TNRC18: variants seen among roughly 807,000 people sequenced by gnomAD.
The protein encoded by TNRC18 is trinucleotide repeat containing 18.
A neutral mutation model predicts 226.7 loss-of-function variants in TNRC18; 69 were observed. The ratio of observed to expected loss-of-function variants is 0.30; its 90% CI spans 0.25 to 0.37. TNRC18 has a LOEUF of 0.37. Among genes scored for constraint, TNRC18 ranks in the 10% least tolerant of loss-of-function variants. The pLI is 1.00. For missense variants in TNRC18, 4,754 were observed against 4,256.6 expected, an observed-to-expected ratio of 1.12 and a Z score of -3.25; for synonymous variants, 2,449 against 1,927.6, an observed-to-expected ratio of 1.27 and a Z score of -7.09.
chr7:5,405,339 C>T (rs766944842), intron 2 of TNRC18, among the ~76,000 whole-genome samples: 4 of 152,098 alleles, frequency 2.6e-5, no homozygotes, highest in African/African-American at 4.8e-5. Context: ...GAGGCTGAGG[C>T]GAGTGGATCA....
chr7:5,343,601 A>T (rs1309698165), intron 18 of TNRC18, among the ~76,000 whole-genome samples: 1 of 151,978 alleles, frequency 6.6e-6, no homozygotes, highest in African/African-American at 2.4e-5. Context: ...TTTTCTGTTT[A>T]TTTTTTGTAG....
chr7:5,374,202 T>TGGGGG lies in TNRC18; in HGVS notation c.3077_3081dup (p.Ser1028ProfsTer133). 1 of 328,514 alleles carries TGGGGG rather than the reference T, an allele frequency of 3.0e-6. No homozygotes were observed. The highest frequency in any genetic ancestry group is 3.5e-6 in the Non-Finnish European group (1 of 283,966). The allele number at this position is 328,514 out of a possible 1,614,324, so 20.3% of individuals were successfully genotyped here. A position where few individuals can be genotyped will look rare whatever the true frequency, so the allele number is the denominator to read the frequency against. ...GGCGGCGGGCTGGTGGGGTGGGAGC[T>TGGGGG]GGGGGTGGCGGGGTAGGCGTAGGCG... On this transcript the variant is annotated frameshift_variant, in exon 10 of 30. Coordinates refer to ENST00000430969, the MANE Select transcript of TNRC18 (RefSeq NM_001080495.3). LOFTEE classifies it high-confidence loss of function.
chr7:5,308,579 G>A lies in TNRC18; in HGVS notation c.8701-267C>T, dbSNP rs184422738. 3.1e-3 allele frequency among the ~76,000 whole-genome samples: 465 copies of A among 152,294 alleles called. 3 individuals are homozygous for A. The highest frequency in any genetic ancestry group is 0.01 in the African/African-American group (418 of 41,566). ...AGACCGAGATCGAGAGAGACCCAGAGAGACACAGAGACTGAAAGATAGAGG... is the reference window on the plus strand; with the variant it reads ...AGACCGAGATCGAGAGAGACCCAGAAAGACACAGAGACTGAAAGATAGAGG... On this transcript the variant is annotated intron_variant, in intron 29 of 29. Coordinates refer to ENST00000430969, the MANE Select transcript of TNRC18 (RefSeq NM_001080495.3).
At chr7:5,398,064 G>T (rs1055914561) in intron 2 of TNRC18, among the ~76,000 whole-genome samples, 2 of 151,744 alleles carry the variant, frequency 1.3e-5, no homozygotes, top group African/African-American at 4.8e-5. Flanking sequence ...GCAGTGGCTC[G>T]ATCATAGCTC....
chr7:5,320,227 C>T, intron 24 of TNRC18, 91 bp downstream of exon 24: 1 of 1,011,638 alleles, frequency 9.9e-7, no homozygotes, highest in Non-Finnish European at 1.5e-6. Flanking sequence ...AGTCTTTATT[C>T]TTAAGCCAGT....
In TNRC18 at chr7:5,374,199, AGC is replaced by A; in HGVS notation, c.3083_3084del (p.Ser1028IlefsTer85). The A allele has an allele frequency of 1.1e-6, 1 of 900,318 alleles. No homozygotes were observed. 55.8% of individuals were successfully genotyped at this position (900,318 alleles called of 1,614,324 possible). A position where few individuals can be genotyped will look rare whatever the true frequency, so the allele number is the denominator to read the frequency against. On this transcript the variant is annotated frameshift_variant, in exon 10 of 30. Transcript: ENST00000430969. LOFTEE classifies it high-confidence loss of function. The stretch of plus-strand genomic sequence containing the variant: ...GCGGGCGGCGGGCTGGTGGGGTGGG[AGC>A]TGGGGGTGGCGGGGTAGGCGTAGGC... ...PPAYAYPATP[S>X]SHPTSPPPAS... is the part of the protein sequence containing the mutation.
intron 18 of TNRC18, among the ~76,000 whole-genome samples, chr7:5,335,910 G>A (rs894323789): frequency 8.1e-5 from 12 of 148,894 alleles, no homozygotes; most frequent in South Asian, 2.2e-4. Flanking sequence ...GATACAGTCC[G>A]CAATTACTAG....
chr7:5,394,631 A>C lies in TNRC18; in HGVS notation c.188-36T>G. ...AAGTTGGGAGGACCGTCAGGCAGAC[A>C]ACCAGGGAGGCGCCGCCGCCCCAGC... On this transcript the variant is annotated intron_variant, in intron 2 of 29. Transcript: ENST00000430969. The surrounding 1 kb of genome is among the most constrained non-coding windows in gnomAD (Gnocchi z 4.5). 1 of 1,517,136 alleles carries C rather than the reference A, an allele frequency of 6.6e-7. No homozygotes were observed. Among genetic ancestry groups the C allele is most frequent in the Non-Finnish European group, 8.8e-7 (1 of 1,130,060 alleles). The allele number at this position is 1,517,136 out of a possible 1,614,324, so 94.0% of individuals were successfully genotyped here. A position where few individuals can be genotyped will look rare whatever the true frequency, so the allele number is the denominator to read the frequency against.
intron 2 of TNRC18, among the ~76,000 whole-genome samples, chr7:5,400,466 C>T (rs759343428): frequency 1.4e-4 from 22 of 152,066 alleles, no homozygotes; most frequent in East Asian, 7.8e-4. Flanking sequence ...AAAAATTAGC[C>T]GGGCATGGTG....
Position 5,421,236 on chromosome 7 carries a change from C to G in TNRC18, c.11G>C (p.Arg4Pro). The change falls in exon 2 of 30, where the codon CGA becomes CCA. Residue 4 changes from arginine to proline, a missense_variant. Coordinates refer to ENST00000430969, the MANE Select transcript of TNRC18 (RefSeq NM_001080495.3). MDGRDFGPQRSVHG... is the reference protein window; with the variant it reads MDGPDFGPQRSVHG... ...CACGGACCGCTGGGGCCCGAAGTCT[C>G]GGCCATCCATCCTCCGCGGGAGTGC... 7.7e-7 allele frequency: 1 copy of G among 1,301,186 alleles called. No individual in the cohort carries two copies. The highest frequency in any genetic ancestry group is 9.8e-7 in the Non-Finnish European group (1 of 1,021,316). 80.6% of individuals were successfully genotyped at this position (1,301,186 alleles called of 1,614,324 possible).
rs754978726 is a variant in TNRC18, at chr7:5,394,589, G to A, written c.194C>T (p.Ala65Val). The A allele has an allele frequency of 3.9e-6, 6 of 1,544,996 alleles. 1 individual carries two copies. Among genetic ancestry groups the A allele is most frequent in the Admixed American group, 4.1e-5 (2 of 48,670 alleles). Residue 65 changes from alanine to valine, a missense_variant, in exon 3 of 30, where the codon GCC (alanine) becomes GTC (valine). Physicochemically the swap from Ala to Val is moderately conservative, Grantham distance 64 (BLOSUM62 0). Transcript: ENST00000430969. The surrounding 1 kb of genome is among the most constrained non-coding windows in gnomAD (Gnocchi z 4.5). ...GCTGGCCACAAAGCTGCCCAAGAAG[G>A]CCTCGCCTGCAGAGAGAAGTTGGGA... ...GLNLHPHPGE[A>V]FLGSFVASGM...
chr7:5,377,821 A>G lies in TNRC18; in HGVS notation c.2255+101T>C, dbSNP rs1397104921. 4 of 1,205,586 alleles carry G rather than the reference A, an allele frequency of 3.3e-6. No homozygotes were observed. Among genetic ancestry groups the G allele is most frequent in the Admixed American group, 2.0e-5 (1 of 49,662 alleles). 74.7% of individuals were successfully genotyped at this position (1,205,586 alleles called of 1,614,324 possible). ...TCCCGCTCTCAGTACCATAGCATCC[A>G]TGGTCGAGGGGCCAAGCCCACCTGG... On this transcript the variant is annotated intron_variant, in intron 6 of 29. Coordinates refer to ENST00000430969, the MANE Select transcript of TNRC18 (RefSeq NM_001080495.3). The surrounding 1 kb of genome is among the most constrained non-coding windows in gnomAD (Gnocchi z 5.8).
chr7:5,389,152 G>T lies in TNRC18; in HGVS notation c.672C>A (p.Asp224Glu), dbSNP rs1391299716. 1.5e-6 allele frequency: 2 copies of T among 1,327,660 alleles called. No homozygotes were observed. The highest frequency in any genetic ancestry group is 1.9e-6 in the Non-Finnish European group (2 of 1,039,268). The allele number at this position is 1,327,660 out of a possible 1,614,324, so 82.2% of individuals were successfully genotyped here. The change falls in exon 5 of 30, where the codon GAC (aspartate) becomes GAA (glutamate). Residue 224 changes from aspartate to glutamate, a missense_variant. By Grantham distance (45) the Asp-to-Glu change is conservative. Transcript: ENST00000430969. Reference protein sequence around the residue: ...GEPPPLFGKKDPRARGEEASG... With the variant: ...GEPPPLFGKKEPRARGEEASG... Reference sequence around the variant, plus strand: ...AGGCCTCCTCGCCCCGGGCGCGCGGGTCCTTCTTGCCGAAAAGCGGAGGCG... The same window carrying T: ...AGGCCTCCTCGCCCCGGGCGCGCGGTTCCTTCTTGCCGAAAAGCGGAGGCG...
intron 2 of TNRC18, among the ~76,000 whole-genome samples, chr7:5,402,883 T>TG (rs534612595): frequency 8.9e-4 from 135 of 151,158 alleles, no homozygotes; most frequent in Non-Finnish European, 1.7e-3. Flanking sequence ...TGGTGTGGAA[T>TG]GGGGGGGCAA....
chr7:5,350,163 AAACT>A (rs1791638893), intron 17 of TNRC18, among the ~76,000 whole-genome samples: 1 of 151,942 alleles, frequency 6.6e-6, no homozygotes, highest in African/African-American at 2.4e-5. Context: ...AGGGGATCGT[AAACT>A]AACCCAGCTC....
chr7:5,321,820 T>C (rs911145073), intron 21 of TNRC18, among the ~76,000 whole-genome samples: 7 of 151,810 alleles, frequency 4.6e-5, no homozygotes, highest in South Asian at 4.2e-4. Context: ...TACAGGTGCC[T>C]GCCACCAGGC....
In TNRC18 at chr7:5,312,078, G is replaced by A. The variant is rs1176620360; in HGVS notation, c.8388+425C>T. The stretch of plus-strand genomic sequence containing the variant: ...TTGAACCCGGGAGGCAGAGGGTGCA[G>A]TAAGCCAAGATCACACCACCACACT... On this transcript the variant is annotated intron_variant, in intron 27 of 29. Coordinates refer to ENST00000430969, the MANE Select transcript of TNRC18 (RefSeq NM_001080495.3). This position sits in a 1 kb window ranked among gnomAD's most constrained non-coding sequence, Gnocchi z 6.3. Among the ~76,000 whole-genome samples, 3 of 152,324 alleles carry A rather than the reference G, an allele frequency of 2.0e-5. No individual in the cohort carries two copies. Among genetic ancestry groups the A allele is most frequent in the East Asian group, 1.9e-4 (1 of 5,180 alleles).
intron 5 of TNRC18, 68 bp from the exon 6 acceptor site, chr7:5,378,092 C>G: frequency 7.5e-7 from 1 of 1,337,220 alleles, no homozygotes; most frequent in East Asian, 2.4e-5. Context: ...ATTGGCCCCA[C>G]TGCCCTCACC....
rs1212058109 is a variant in TNRC18 at position 5,356,965 on chromosome 7, G to C, written c.5145C>G (p.Pro1715=). 3.2e-6 allele frequency: 5 copies of C among 1,551,950 alleles called. No individual in the cohort carries two copies. The East Asian group carries it at 9.8e-5, about 30-fold the overall frequency. ...MEVGFKARGQ[P]KSAHSPFASE... ...AGGCAAACGGGGAATGGGCCGACTT[G>C]GGCTGGCCTCTGGCCTTGAACCCCA... The change falls in exon 16 of 30, where the codon CCC becomes CCG. Residue 1715 remains proline (P), a synonymous_variant. Coordinates refer to ENST00000430969, the MANE Select transcript of TNRC18 (RefSeq NM_001080495.3).
Sources: allele counts gnomAD v4.1 joint callset (sites outside exome capture counted in the v4.1 genomes callset), GRCh38; gene constraint gnomAD v4.1.1; non-coding constraint Gnocchi (gnomAD v3.1); transcripts MANE v1.5; gene names NCBI Gene and HGNC (gene_info 2026-07-23, HGNC 2026-07-21).